The following CPSF3 variants were observed in gnomAD, a reference collection of about 807,000 sequenced individuals.
CPSF3 encodes the protein cleavage and polyadenylation specificity factor subunit 3.
Under a neutral mutation model 84.1 loss-of-function variants are expected in CPSF3, and 57 were observed. That is an observed-to-expected ratio of 0.68 (90% CI 0.55 to 0.85). The LOEUF (loss-of-function observed/expected upper bound fraction) is 0.85. Among genes scored for constraint, CPSF3 ranks in the 40% least tolerant of loss-of-function variants. CPSF3 has a pLI of 0.00. For missense variants in CPSF3, 522 were observed against 838.8 expected, an observed-to-expected ratio of 0.62 and a Z score of 4.66; for synonymous variants, 275 against 278.1, an observed-to-expected ratio of 0.99 and a Z score of 0.11.
chr2:9,451,400 A>G (rs888828151), intron 11 of CPSF3, among the ~76,000 whole-genome samples: 5 of 152,180 alleles, frequency 3.3e-5, no homozygotes, highest in Non-Finnish European at 7.3e-5. Context: ...AAAGGCAAAC[A>G]AGTATGGAAC....
chr2:9,448,112 A>G lies in CPSF3; in HGVS notation c.1243-86A>G. On this transcript the variant is annotated intron_variant, in intron 10 of 17. Transcript: ENST00000238112. ...TATGTCTCTATTTCATATATTAAAT[A>G]TATTTCATATATTTAATTCAACTTA... The G allele has an allele frequency of 1.6e-5, 11 of 679,038 alleles. No homozygotes were observed. The South Asian group carries it at 3.5e-4, about 22-fold the overall frequency. 42.1% of individuals were successfully genotyped at this position (679,038 alleles called of 1,614,324 possible). A position where few individuals can be genotyped will look rare whatever the true frequency, so the allele number is the denominator to read the frequency against.
chr2:9,436,540 G>A (rs1037156049), intron 7 of CPSF3, among the ~76,000 whole-genome samples, 179 bp downstream of exon 7: 2 of 152,102 alleles, frequency 1.3e-5, no homozygotes, highest in Admixed American at 1.3e-4. Flanking sequence ...TTGGGAGGCT[G>A]AGGTGGGGAG....
intron 10 of CPSF3, among the ~76,000 whole-genome samples, chr2:9,447,285 C>T (rs1011635059): frequency 1.3e-5 from 2 of 151,856 alleles, no homozygotes; most frequent in African/African-American, 4.8e-5. Context: ...TTCAAGACCA[C>T]CTTGGGCAAT....
intron 15 of CPSF3, among the ~76,000 whole-genome samples, chr2:9,463,535 T>C (rs7420848): frequency 0.58 from 88,984 of 152,166 alleles, 27,525 homozygotes; most frequent in African/African-American, 0.73. Context: ...GTATGTGATA[T>C]GTCAGCATGG....
chr2:9,433,108 G>A (rs910718647), intron 5 of CPSF3, among the ~76,000 whole-genome samples: 2 of 152,200 alleles, frequency 1.3e-5, no homozygotes, highest in Non-Finnish European at 2.9e-5. Context: ...GACTGCAAGA[G>A]TGAAAGGGGT....
chr2:9,460,391 T>C (rs555618561), intron 15 of CPSF3, among the ~76,000 whole-genome samples: 328 of 152,210 alleles, frequency 2.2e-3, no homozygotes, highest in Non-Finnish European at 4.1e-3. Context: ...ATCACGCCAC[T>C]GCACTCCAGC....
chr2:9,431,287 C>T (rs1680575720), intron 4 of CPSF3, among the ~76,000 whole-genome samples: 1 of 152,202 alleles, frequency 6.6e-6, no homozygotes, highest in African/African-American at 2.4e-5. Context: ...CTCCTGGGCT[C>T]CAGTGATCCT....
chr2:9,451,501 C>T (rs190901230), intron 11 of CPSF3, among the ~76,000 whole-genome samples: 13 of 152,130 alleles, frequency 8.5e-5, no homozygotes, highest in South Asian at 6.2e-4. Context: ...TGGTGGCTCT[C>T]GCCTGTAATC....
intron 2 of CPSF3, 34 bp from the exon 3 acceptor site, chr2:9,429,889 A>G: frequency 1.5e-6 from 2 of 1,375,094 alleles, no homozygotes; most frequent in Non-Finnish European, 1.0e-6. Flanking sequence ...TAAAATGTGC[A>G]GGAGATTGTG....
chr2:9,459,229 T>C (rs1343865293), intron 14 of CPSF3, among the ~76,000 whole-genome samples: 1 of 152,222 alleles, frequency 6.6e-6, no homozygotes, highest in Non-Finnish European at 1.5e-5. Context: ...TGCAAGTTAC[T>C]TTTAAGTCAG....
At chr2:9,430,062 T>C (rs181775125) in intron 3 of CPSF3, 42 bp downstream of exon 3, 1,480 of 1,157,904 alleles carry the variant, frequency 1.3e-3, no homozygotes, top group Admixed American at 2.4e-3. Flanking sequence ...TCACGGACTT[T>C]TACTATCAAG....
Position 9,423,894 on chromosome 2 carries a change from C to G in CPSF3, c.50+71C>G, listed in dbSNP as rs376166561. 1.5e-5 allele frequency: 23 copies of G among 1,579,306 alleles called. No individual in the cohort carries two copies. In the East Asian group the frequency reaches 4.8e-4, roughly 33 times the overall value. ...GCGCGAGGGGTAACCGGAGACTGGCCTCCTCCGTCGCCCGCGCTCCCACCT... is the reference window on the plus strand; with the variant it reads ...GCGCGAGGGGTAACCGGAGACTGGCGTCCTCCGTCGCCCGCGCTCCCACCT... On this transcript the variant is annotated intron_variant, in intron 1 of 17. Coordinates refer to ENST00000238112, the MANE Select transcript of CPSF3 (RefSeq NM_016207.4).
At chr2:9,428,138 A>C (rs1268425113) in intron 1 of CPSF3, among the ~76,000 whole-genome samples, 1 of 151,708 alleles carries the variant, frequency 6.6e-6, no homozygotes, top group Non-Finnish European at 1.5e-5. Context: ...CTGGGACTAC[A>C]GGTGTCCGCC....
chr2:9,451,817 C>T (rs1234020034), intron 11 of CPSF3, among the ~76,000 whole-genome samples: 3 of 151,296 alleles, frequency 2.0e-5, no homozygotes, highest in Middle Eastern at 3.4e-3. Flanking sequence ...CCCAGGTTCA[C>T]GCCATTCTCC....
At chr2:9,466,270 G>A (rs1178730052) in intron 15 of CPSF3, among the ~76,000 whole-genome samples, 1 of 40,122 alleles carries the variant, frequency 2.5e-5, no homozygotes, top group Non-Finnish European at 8.3e-5. Context: ...ACACAAAGAC[G>A]CACGCACACA....
chr2:9,466,221 CGCACACACACACGT>C (rs1558465977), intron 15 of CPSF3, among the ~76,000 whole-genome samples: 65 of 148,950 alleles, frequency 4.4e-4, no homozygotes, highest in African/African-American at 1.5e-3. Flanking sequence ...CACACACGCA[CGCACACACACACGT>C]GCGCGCACGC....
chr2:9,471,178 C>T (rs952801263), intron 16 of CPSF3, among the ~76,000 whole-genome samples, 165 bp from the exon 17 acceptor site: 4 of 151,536 alleles, frequency 2.6e-5, no homozygotes, highest in Non-Finnish European at 5.9e-5. Context: ...TGTGCCACTG[C>T]GCTCCAGCCT....
rs377440396 is a variant in CPSF3, at chr2:9,444,140, T to TTATATATA, written c.1242+491_1242+498dup. Among the ~76,000 whole-genome samples the TTATATATA allele has an allele frequency of 3.7e-3, 486 of 129,736 alleles. 2 individuals carry two copies. Among genetic ancestry groups the TTATATATA allele is most frequent in the South Asian group, 0.013 (54 of 4,000 alleles). 85.1% of individuals were successfully genotyped at this position (129,736 alleles called of 152,430 possible). On this transcript the variant is annotated intron_variant, in intron 10 of 17. Coordinates refer to ENST00000238112, the MANE Select transcript of CPSF3 (RefSeq NM_016207.4). ...ACATAGTAAATGCTTAATATATATA[T>TTATATATA]TATATATATATATATATATTTTTTT...
intron 16 of CPSF3, 169 bp downstream of exon 16, chr2:9,467,945 G>C: frequency 1.7e-6 from 1 of 579,282 alleles, no homozygotes; most frequent in Non-Finnish European, 3.0e-6. Context: ...ACCGTTCCCT[G>C]CCAGCTCTGC....
Sources: gnomAD v4.1 joint callset for allele counts (sites outside exome capture counted in the v4.1 genomes callset) on GRCh38, gnomAD v4.1.1 for gene constraint, MANE v1.5 for transcripts, NCBI Gene and HGNC (gene_info 2026-07-23, HGNC 2026-07-21) for gene names.